Variants in OR4F5 observed in about 807,000 individuals in gnomAD.
OR4F5 encodes the protein olfactory receptor family 4 subfamily F member 5, also known as olfactory receptor 4F5.
OR4F5 carries 1 observed loss-of-function variant against 5.8 expected under a neutral mutation model. The observed-to-expected ratio is 0.17, with a 90% CI of 0.06 to 0.82. OR4F5 has a LOEUF of 0.82. OR4F5 is among the 40% of genes least tolerant of loss of function. The pLI, the probability that OR4F5 is intolerant of heterozygous loss-of-function variation, is 0.72. For missense variants in OR4F5, 47 were observed against 175.5 expected (o/e 0.27, Z 4.14); for synonymous variants, 18 against 63.7 (o/e 0.28, Z 3.42).
Position 70,463 on chromosome 1 carries a change from G to A in OR4F5, c.*455G>A, listed in dbSNP as rs2100337995. On this transcript the variant is annotated 3_prime_UTR_variant, in exon 3 of 3. Transcript: ENST00000641515. ...AGGAGATATATGTCAACTTTTAAGAGGTTGAAAAACAAACGCCTCCCATTA... is the reference window on the plus strand; with the variant it reads ...AGGAGATATATGTCAACTTTTAAGAAGTTGAAAAACAAACGCCTCCCATTA... 2.0e-5 allele frequency: 2 copies of A among 98,878 alleles called. No individual in the cohort carries two copies. The highest frequency in any genetic ancestry group is 5.9e-3 in the Middle Eastern group (1 of 170). 6.1% of individuals were successfully genotyped at this position (98,878 alleles called of 1,614,324 possible).
chr1:66,400 TATATA>T lies in OR4F5; in HGVS notation c.9+838_9+842del, dbSNP rs1289480090. Reference sequence around the variant, plus strand: ...ATAAATTATATAATATAATATATATTATATAATATAATATATTTTATTATATAAAT... The same window carrying T: ...ATAAATTATATAATATAATATATATTATATAATATATTTTATTATATAAAT... On this transcript the variant is annotated intron_variant, in intron 2 of 2. Coordinates refer to ENST00000641515, the MANE Select transcript of OR4F5 (RefSeq NM_001005484.2). Among the ~76,000 whole-genome samples the T allele has an allele frequency of 5.8e-4, 28 of 48,318 alleles. 1 individual carries two copies. Among genetic ancestry groups the T allele is most frequent in the Admixed American group, 1.2e-3 (3 of 2,596 alleles). 31.7% of individuals were successfully genotyped at this position (48,318 alleles called of 152,430 possible).
chr1:69,548 T>A lies in OR4F5; in HGVS notation c.521T>A (p.Leu174Ter), dbSNP rs1211934440. 1 of 1,017,352 alleles carries A rather than the reference T, an allele frequency of 9.8e-7. No individual in the cohort carries two copies. Among genetic ancestry groups the A allele is most frequent in the Non-Finnish European group, 1.4e-6 (1 of 727,528 alleles). 63.0% of individuals were successfully genotyped at this position (1,017,352 alleles called of 1,614,324 possible). The change falls in exon 3 of 3, where the codon TTG (leucine) becomes TAG (stop). Residue 174 changes from leucine (L) to a stop codon, truncating the protein, a stop_gained. Transcript: ENST00000641515. LOFTEE classifies it high-confidence loss of function. ...GIGFLHSVSQ[L>*]AFAVHLLFCG... is the part of the protein sequence containing the mutation. ...GGCTTTCTCCATTCGGTGAGCCAGTTGGCGTTTGCCGTGCACTTACTCTTC... is the reference window on the plus strand; with the variant it reads ...GGCTTTCTCCATTCGGTGAGCCAGTAGGCGTTTGCCGTGCACTTACTCTTC...
At chr1:66,693 C>T (rs1389654305) in intron 2 of OR4F5, among the ~76,000 whole-genome samples, 1 of 116,770 alleles carries the variant, frequency 8.6e-6, no homozygotes, top group Admixed American at 1.0e-4. Flanking sequence ...TCAACAGTGG[C>T]TGGCTCTTCA....
intron 2 of OR4F5, among the ~76,000 whole-genome samples, chr1:66,192 TTA>T (rs1457232118): frequency 1.1e-5 from 1 of 88,946 alleles, no homozygotes; most frequent in East Asian, 2.2e-4. Flanking sequence ...TACTATATAT[TTA>T]TATATATTAC....
intron 2 of OR4F5, among the ~76,000 whole-genome samples, chr1:66,378 A>T (rs866549989): frequency 1.1e-3 from 7 of 6,374 alleles, no homozygotes; most frequent in South Asian, 2.5e-3. Flanking sequence ...ATAATATATA[A>T]ATTATATAAT....
At chr1:66,473 A>T (rs1639946387) in intron 2 of OR4F5, among the ~76,000 whole-genome samples, 1 of 83,050 alleles carries the variant, frequency 1.2e-5, no homozygotes, top group African/African-American at 4.0e-5. Context: ...TATAATATAT[A>T]TTATATATTT....
chr1:66,508 A>T (rs1164871315), intron 2 of OR4F5, among the ~76,000 whole-genome samples: 1 of 76,498 alleles, frequency 1.3e-5, no homozygotes, highest in East Asian at 2.3e-4. Context: ...ATATTTTATT[A>T]TATAATATAT....
Position 66,244 on chromosome 1 carries a change from AT to A in OR4F5, c.9+673del, listed in dbSNP as rs1366719155. 1.1e-3 allele frequency among the ~76,000 whole-genome samples: 35 copies of A among 32,674 alleles called. 1 individual carries two copies. The highest frequency in any genetic ancestry group is 4.4e-3 in the East Asian group (8 of 1,812). The allele number at this position is 32,674 out of a possible 152,430, so 21.4% of individuals were successfully genotyped here. On this transcript the variant is annotated intron_variant, in intron 2 of 2. Transcript: ENST00000641515. The stretch of plus-strand genomic sequence containing the variant: ...ATATATATTATATAATATATATTAT[AT>A]TATATAATATATAATATAAATATAA...
At chr1:68,466 A>C (rs1639967549) in intron 2 of OR4F5, among the ~76,000 whole-genome samples, 1 of 37,916 alleles carries the variant, frequency 2.6e-5, no homozygotes, top group Non-Finnish European at 9.0e-5. Context: ...AAAGCATTCC[A>C]AAATCTCTTA....
intron 2 of OR4F5, among the ~76,000 whole-genome samples, chr1:68,267 C>T (rs1311070810): frequency 9.2e-6 from 1 of 108,538 alleles, no homozygotes; most frequent in African/African-American, 2.8e-5. Flanking sequence ...TACAGGTCTT[C>T]ATTCACCCCT....
rs1301407997 is a variant in OR4F5, at chr1:70,534, T to C, written c.*526T>C. 3.1e-5 allele frequency: 3 copies of C among 98,328 alleles called. No individual in the cohort carries two copies. In the East Asian group the frequency reaches 6.4e-4, roughly 21 times the overall value. 6.1% of individuals were successfully genotyped at this position (98,328 alleles called of 1,614,324 possible). On this transcript the variant is annotated 3_prime_UTR_variant, in exon 3 of 3. Transcript: ENST00000641515. ...CACCACTATAACAACCCAGAATCCA[T>C]GAGGGCATTATCAGGAGTGAGTGGA...
chr1:66,278 TATATTATATAATATATA>T (rs1164975431), intron 2 of OR4F5, among the ~76,000 whole-genome samples: 23 of 31,088 alleles, frequency 7.4e-4, no homozygotes, highest in African/African-American at 1.5e-3. Context: ...TAATATAAAT[TATATTATATAATATATA>T]ATATAAATAT....
At chr1:66,336 T>TTATTATATAAATATATATTA (rs1639940186) in intron 2 of OR4F5, among the ~76,000 whole-genome samples, 1 of 18,348 alleles carries the variant, frequency 5.5e-5, no homozygotes, top group African/African-American at 1.2e-4. Flanking sequence ...AATATATATT[T>TTATTATATAAATATATATTA]TATTATATAA....
At chr1:66,262 TAAATATAATATAA>T (rs1639937230) in intron 2 of OR4F5, among the ~76,000 whole-genome samples, 2 of 16,972 alleles carry the variant, frequency 1.2e-4, no homozygotes, top group South Asian at 1.3e-3. Flanking sequence ...ATATATAATA[TAAATATAATATAA>T]ATTATATTAT....
At chr1:66,442 T>TATATA (rs1553122180) in intron 2 of OR4F5, among the ~76,000 whole-genome samples, 66 of 25,806 alleles carry the variant, frequency 2.6e-3, no homozygotes, top group East Asian at 5.6e-3. Flanking sequence ...TATATTATAT[T>TATATA]ATATAATATA....
chr1:66,060 G>A (rs1639932299), intron 2 of OR4F5, among the ~76,000 whole-genome samples: 1 of 118,408 alleles, frequency 8.4e-6, no homozygotes, highest in Non-Finnish European at 1.9e-5. Context: ...AAGGCCCAGA[G>A]ATTTTTAAAT....
chr1:66,232 A>C (rs1346745976), intron 2 of OR4F5, among the ~76,000 whole-genome samples: 1 of 52,900 alleles, frequency 1.9e-5, no homozygotes, highest in African/African-American at 4.7e-5. Context: ...TATATTATAT[A>C]ATATATATTA....
intron 2 of OR4F5, among the ~76,000 whole-genome samples, chr1:66,374 TA>T (rs1315341348): frequency 7.7e-5 from 1 of 12,904 alleles, no homozygotes; most frequent in African/African-American, 2.8e-4. Context: ...AAATATAATA[TA>T]TAAATTATAT....
At chr1:68,057 G>A (rs374644745) in intron 2 of OR4F5, among the ~76,000 whole-genome samples, 6 of 44,402 alleles carry the variant, frequency 1.4e-4, no homozygotes, top group South Asian at 1.6e-3. Flanking sequence ...ATACCTGGTC[G>A]TATCCAATCC....
Sources: allele counts gnomAD v4.1 joint callset (sites outside exome capture counted in the v4.1 genomes callset), GRCh38; gene constraint gnomAD v4.1.1; transcripts MANE v1.5; gene names NCBI Gene and HGNC (gene_info 2026-07-23, HGNC 2026-07-21).